Variants in TRDN observed in about 807,000 individuals in gnomAD.
TRDN encodes the protein triadin.
TRDN carries 161 observed loss-of-function variants against 149.7 expected under a neutral mutation model. The observed-to-expected ratio is 1.08, with a 90% confidence interval of 0.95 to 1.23. TRDN has a LOEUF of 1.23. Among genes scored for constraint, TRDN ranks in the 50% most tolerant of loss-of-function variants. The probability of loss-of-function intolerance (pLI) is 0.00; values close to 1 mark genes in which losing one functional copy is unlikely to be tolerated. For missense variants in TRDN, 896 were observed against 823.5 expected (o/e 1.09, Z -1.08); for synonymous variants, 294 against 250.5 (o/e 1.17, Z -1.64).
At position 123,547,151 on chromosome 6, in the gene TRDN, T is replaced by C. The variant is rs78591724; in HGVS notation, c.424+189A>G. 7.2e-5 allele frequency among the ~76,000 whole-genome samples: 11 copies of C among 152,062 alleles called. No homozygotes were observed. The East Asian group carries it at 1.9e-3, about 27-fold the overall frequency. ...ACTGAATAAGGCATTTAAAAAATAA[T>C]CAACAGAAAAGTAGTGAGATCACCT... On this transcript the variant is annotated intron_variant, in intron 4 of 40. Transcript: ENST00000334268.
At position 123,222,644 on chromosome 6, in the gene TRDN, A is replaced by G. The variant is rs148257386; in HGVS notation, c.2015-1122T>C. Among the ~76,000 whole-genome samples, 544 of 151,956 alleles carry G rather than the reference A, an allele frequency of 3.6e-3. 2 individuals are homozygous for G. The highest frequency in any genetic ancestry group is 0.013 in the African/African-American group (523 of 41,530). ...AATTTTGGGCACTGGCAAAGAATTTATACTTCGTTGGCTAGAACAATGCTT... is the reference window on the plus strand; with the variant it reads ...AATTTTGGGCACTGGCAAAGAATTTGTACTTCGTTGGCTAGAACAATGCTT... On this transcript the variant is annotated intron_variant, in intron 39 of 40. Transcript: ENST00000334268.
At chr6:123,237,580 T>A (rs1775837247) in intron 38 of TRDN, among the ~76,000 whole-genome samples, 1 of 152,156 alleles carries the variant, frequency 6.6e-6, no homozygotes, top group Non-Finnish European at 1.5e-5. Context: ...ACTTACTAAT[T>A]CCAGTTTTTG....
In TRDN at chr6:123,278,776, T is replaced by A. The variant is rs61552574; in HGVS notation, c.1537+280A>T. ...AGAGTGAGACTCTGTCTCAAAAAAATTTTTTTTGAGAAAATAATGGAAATC... is the reference window on the plus strand; with the variant it reads ...AGAGTGAGACTCTGTCTCAAAAAAAATTTTTTTGAGAAAATAATGGAAATC... On this transcript the variant is annotated intron_variant, in intron 25 of 40. Coordinates refer to ENST00000334268, the MANE Select transcript of TRDN (RefSeq NM_006073.4). Among the ~76,000 whole-genome samples, 763 of 152,080 alleles carry A rather than the reference T, an allele frequency of 5.0e-3. 7 individuals carry two copies. Among genetic ancestry groups the A allele is most frequent in the African/African-American group, 0.017 (722 of 41,506 alleles).
chr6:123,480,506 T>C (rs912405561), intron 9 of TRDN, among the ~76,000 whole-genome samples: 1 of 152,122 alleles, frequency 6.6e-6, no homozygotes, highest in South Asian at 2.1e-4. Context: ...TATTCCTGAA[T>C]ATGGGTACAT....
intron 10 of TRDN, among the ~76,000 whole-genome samples, chr6:123,444,723 A>T (rs1450571059): frequency 6.6e-6 from 1 of 152,200 alleles, no homozygotes; most frequent in African/African-American, 2.4e-5. Context: ...GAGAGTTTTT[A>T]GCAAGAAGGG....
At chr6:123,464,445 C>G (rs1455583932) in intron 10 of TRDN, 1 of 957,918 alleles carries the variant, frequency 1.0e-6, no homozygotes, top group Admixed American at 5.5e-5. Context: ...GATCAGTGCT[C>G]TGCTTATATC....
intron 21 of TRDN, chr6:123,352,261 T>C: frequency 1.0e-6 from 1 of 985,148 alleles, no homozygotes; most frequent in South Asian, 4.7e-5. Context: ...GATCATTGTC[T>C]TATTCCCAGC....
At chr6:123,367,629 C>G (rs532567079) in intron 19 of TRDN, among the ~76,000 whole-genome samples, 267 of 152,322 alleles carry the variant, frequency 1.8e-3, no homozygotes, top group African/African-American at 6.1e-3. Flanking sequence ...TGTTTTATAC[C>G]TTCCAGGTAA....
intron 9 of TRDN, among the ~76,000 whole-genome samples, chr6:123,479,959 C>A (rs905391516): frequency 2.0e-5 from 3 of 152,016 alleles, no homozygotes; most frequent in African/African-American, 7.2e-5. Context: ...ATATTTTCAA[C>A]CATCAGTTAT....
intron 19 of TRDN, among the ~76,000 whole-genome samples, chr6:123,372,031 T>C (rs904028829): frequency 6.6e-6 from 1 of 152,166 alleles, no homozygotes; most frequent in African/African-American, 2.4e-5. Flanking sequence ...ACTAAGATCA[T>C]ACATAGATCA....
At chr6:123,223,504 C>T (rs757459373) in intron 39 of TRDN, among the ~76,000 whole-genome samples, 8 of 151,644 alleles carry the variant, frequency 5.3e-5, no homozygotes, top group Non-Finnish European at 1.2e-4. Flanking sequence ...AGCCAGGAAC[C>T]TTTCAGAAAA....
Position 123,254,873 on chromosome 6 carries a change from T to C in TRDN, c.1951+208A>G, listed in dbSNP as rs1776499419. The stretch of plus-strand genomic sequence containing the variant: ...GAATATTTGTTCATGTTAATGTTGC[T>C]AATAGTTCTGATTTCTTCATGTTTT... On this transcript the variant is annotated intron_variant, in intron 37 of 40. Transcript: ENST00000334268. The C allele has an allele frequency of 1.7e-5, 8 of 463,660 alleles. No homozygotes were observed. The South Asian group carries it at 1.8e-4, about 11-fold the overall frequency. 28.7% of individuals were successfully genotyped at this position (463,660 alleles called of 1,614,324 possible).
intron 9 of TRDN, among the ~76,000 whole-genome samples, chr6:123,484,554 T>A (rs902369545): frequency 1.3e-5 from 2 of 152,194 alleles, no homozygotes; most frequent in Non-Finnish European, 2.9e-5. Flanking sequence ...TTCAAATTAC[T>A]CTGTATTATT....
At chr6:123,330,710 A>C (rs1779629584) in intron 23 of TRDN, among the ~76,000 whole-genome samples, 1 of 152,104 alleles carries the variant, frequency 6.6e-6, no homozygotes, top group African/African-American at 2.4e-5. Context: ...ATTAAATAAC[A>C]ATTATGTTTA....
intron 38 of TRDN, among the ~76,000 whole-genome samples, chr6:123,238,434 C>G (rs776703562): frequency 2.2e-4 from 33 of 151,646 alleles, no homozygotes; most frequent in Non-Finnish European, 4.6e-4. Flanking sequence ...AGGATAATCA[C>G]TAAAGTAATA....
chr6:123,271,086 C>A, intron 30 of TRDN, 53 bp downstream of exon 30: 1 of 1,115,790 alleles, frequency 9.0e-7, no homozygotes, highest in South Asian at 1.6e-5. Context: ...CATATGAGTG[C>A]ACCACATAAC....
chr6:123,413,658 G>T (rs562912028), intron 12 of TRDN, among the ~76,000 whole-genome samples: 17 of 152,190 alleles, frequency 1.1e-4, no homozygotes, highest in African/African-American at 4.1e-4. Context: ...GTTTAATACA[G>T]CCAGTTGGCA....
At chr6:123,535,665 T>G (rs114614192) in intron 4 of TRDN, among the ~76,000 whole-genome samples, 1,670 of 152,238 alleles carry the variant, frequency 0.011, 25 homozygotes, top group African/African-American at 0.039. Context: ...ACACAGACTG[T>G]TTTTCCAAAG....
At chr6:123,508,347 A>G (rs1328565857) in intron 7 of TRDN, among the ~76,000 whole-genome samples, 1 of 152,204 alleles carries the variant, frequency 6.6e-6, no homozygotes. Context: ...ATATTAACCT[A>G]AAAAGATGAT....
Sources: gnomAD v4.1 joint callset for allele counts (sites outside exome capture counted in the v4.1 genomes callset) on GRCh38, gnomAD v4.1.1 for gene constraint, MANE v1.5 for transcripts, NCBI Gene and HGNC (gene_info 2026-07-23, HGNC 2026-07-21) for gene names.